Variants in DNAH3 observed in about 807,000 individuals in gnomAD.
DNAH3 encodes the protein axonemal beta dynein heavy chain 3.
A neutral mutation model predicts 432.5 loss-of-function variants in DNAH3; 332 were observed. The ratio of observed to expected loss-of-function variants is 0.77; its 90% CI spans 0.70 to 0.84. The LOEUF is 0.84. Among genes scored for constraint, DNAH3 ranks in the 40% least tolerant of loss-of-function variants. The probability of loss-of-function intolerance (pLI) is 0.00; values close to 1 mark genes in which losing one functional copy is unlikely to be tolerated. For missense variants in DNAH3, 4,861 were observed against 5,114.0 expected (o/e 0.95, Z 1.51); for synonymous variants, 1,956 against 1,900.2 (o/e 1.03, Z -0.76).
At chr16:21,149,059 C>G (rs1179426106) in intron 1 of DNAH3, among the ~76,000 whole-genome samples, 2 of 151,888 alleles carry the variant, frequency 1.3e-5, no homozygotes, top group Non-Finnish European at 2.9e-5. Context: ...GGAGAAATCC[C>G]GTCTCTACTA....
chr16:21,140,344 C>G (rs1043281217), intron 5 of DNAH3, 192 bp downstream of exon 6: 6 of 540,846 alleles, frequency 1.1e-5, no homozygotes, highest in African/African-American at 7.5e-5. Context: ...TGTACACACA[C>G]TCTCTCTCCT....
chr16:20,959,650 CACA>C (rs1567529794), intron 53 of DNAH3, among the ~76,000 whole-genome samples: 11 of 150,240 alleles, frequency 7.3e-5, no homozygotes, highest in African/African-American at 2.7e-4. Context: ...CACACACACA[CACA>C]CACCCCAACA....
intron 7 of DNAH3, among the ~76,000 whole-genome samples, chr16:21,131,483 GAAAA>G (rs1262503107): frequency 1.3e-4 from 1 of 7,950 alleles, no homozygotes; most frequent in Non-Finnish European, 1.8e-3. Context: ...AAGGAAGAAA[GAAAA>G]GAAAGAGAGA....
At chr16:20,945,240 T>C (rs894286661) in intron 57 of DNAH3, among the ~76,000 whole-genome samples, 3 of 152,200 alleles carry the variant, frequency 2.0e-5, no homozygotes, top group African/African-American at 7.2e-5. Flanking sequence ...TTATAATGCA[T>C]TAGCATGCTA....
exon 43 of DNAH3, chr16:21,000,355 A>G (rs1172517690): frequency 1.9e-6 from 3 of 1,614,142 alleles, no homozygotes; most frequent in East Asian, 2.2e-5. Flanking sequence ...GCAGTTGGGT[A>G]GGTACGTATT....
Position 21,085,271 on chromosome 16 carries a change from C to T in DNAH3, c.2877+1578G>A, listed in dbSNP as rs573078644. Reference sequence around the variant, plus strand: ...AATTAAAAAATATCCCAGCCAGGCACGGTGGCTCATGCCTATAATCCCAGA... The same window carrying T: ...AATTAAAAAATATCCCAGCCAGGCATGGTGGCTCATGCCTATAATCCCAGA... On this transcript the variant is annotated intron_variant, in intron 19 of 61. Transcript: ENST00000261383. 1.0e-3 allele frequency among the ~76,000 whole-genome samples: 155 copies of T among 152,120 alleles called. 4 individuals are homozygous for T. The South Asian group carries it at 0.03, about 30-fold the overall frequency.
exon 17 of DNAH3, chr16:21,098,726 G>A (rs746965017): frequency 3.1e-6 from 5 of 1,613,700 alleles, no homozygotes; most frequent in South Asian, 1.1e-5. Flanking sequence ...AAACTTTCCA[G>A]TTCTCTGTGG....
rs769040400 is a variant in DNAH3 at position 21,024,645 on chromosome 16, G to A, written c.5597C>T (p.Ser1866Phe). ...ACTGGAGGGCAGGGTGTCCATGTAG[G>A]AATCCTTCAGGGGCTTCCAGCCTAG... The change falls in exon 39 of 62, where the codon TCC becomes TTC. Residue 1866 changes from serine to phenylalanine, a missense_variant. Coordinates refer to ENST00000261383, the Ensembl canonical transcript of DNAH3. The A allele has an allele frequency of 1.5e-4, 236 of 1,613,432 alleles. 3 individuals are homozygous for A. In the Admixed American group the frequency reaches 3.8e-3, roughly 26 times the overall value.
intron 5 of DNAH3, 55 bp from the exon 7 acceptor site, chr16:21,136,568 ACTGTC>A: frequency 6.5e-7 from 1 of 1,539,258 alleles, no homozygotes; most frequent in Non-Finnish European, 9.0e-7. Flanking sequence ...CATGGGTTCA[ACTGTC>A]CTGCCCATCA....
exon 15 of DNAH3, chr16:21,106,590 G>T: frequency 1.2e-6 from 2 of 1,611,380 alleles, no homozygotes; most frequent in Non-Finnish European, 8.5e-7. Flanking sequence ...ATTTCTTTAG[G>T]AATTCAATGA....
Position 21,156,335 on chromosome 16 carries a change from G to A in DNAH3, c.117+2990C>T, listed in dbSNP as rs112735261. On this transcript the variant is annotated intron_variant, in intron 1 of 61. Transcript: ENST00000261383. The stretch of plus-strand genomic sequence containing the variant: ...CAGCCTCCACTGCCTGGGCTCAAGA[G>A]ATCCTCCTGCCTCAGCCTCCCATGT... Among the ~76,000 whole-genome samples, 658 of 152,108 alleles carry A rather than the reference G, an allele frequency of 4.3e-3. 3 individuals carry two copies. Among genetic ancestry groups the A allele is most frequent in the African/African-American group, 0.013 (551 of 41,490 alleles).
At chr16:21,149,535 C>T (rs2092827520) in intron 1 of DNAH3, among the ~76,000 whole-genome samples, 1 of 152,174 alleles carries the variant, frequency 6.6e-6, no homozygotes, top group East Asian at 1.9e-4. Flanking sequence ...TTCCCAAATG[C>T]TCGTCTGAGG....
intron 51 of DNAH3, among the ~76,000 whole-genome samples, chr16:20,973,770 A>T (rs1340045163): frequency 1.3e-5 from 2 of 152,230 alleles, no homozygotes; most frequent in Admixed American, 6.5e-5. Flanking sequence ...ACATTCTGTC[A>T]TCCAACAAAT....
At chr16:20,973,998 A>G (rs1396866104) in intron 51 of DNAH3, among the ~76,000 whole-genome samples, 2 of 152,074 alleles carry the variant, frequency 1.3e-5, no homozygotes, top group African/African-American at 4.8e-5. Flanking sequence ...GTGGTAAAAC[A>G]TGAGGTCAAA....
At chr16:20,962,062 G>A (rs1326869324) in intron 53 of DNAH3, among the ~76,000 whole-genome samples, 1 of 151,798 alleles carries the variant, frequency 6.6e-6, no homozygotes, top group Admixed American at 6.6e-5. Flanking sequence ...TCAGGAGGCT[G>A]AGGCATGAGA....
chr16:20,974,130 C>T (rs1323269290), intron 51 of DNAH3, among the ~76,000 whole-genome samples: 1 of 151,996 alleles, frequency 6.6e-6, no homozygotes, highest in Non-Finnish European at 1.5e-5. Flanking sequence ...CAGGACCCTC[C>T]CACCTCAGTC....
At chr16:21,078,900 G>C (rs2091073667) in intron 20 of DNAH3, among the ~76,000 whole-genome samples, 2 of 152,176 alleles carry the variant, frequency 1.3e-5, no homozygotes, top group Admixed American at 1.3e-4. Flanking sequence ...TGAGTCCCCA[G>C]ACATGGAATC....
In DNAH3 at chr16:20,955,074, C is replaced by A. The variant is rs1055201298; in HGVS notation, c.10827-17G>T. On this transcript the variant is annotated splice_polypyrimidine_tract_variant and intron_variant, in intron 54 of 61. Transcript: ENST00000261383. ...AGCCAGAGTCTGGAAGAACAATGGA[C>A]CCAACGTTTTAGAGCAATACAATAA... 1.9e-6 allele frequency: 3 copies of A among 1,586,804 alleles called. No individual in the cohort carries two copies. The highest frequency in any genetic ancestry group is 2.7e-5 in the African/African-American group (2 of 73,602).
chr16:20,980,970 C>T (rs930571920), intron 49 of DNAH3, among the ~76,000 whole-genome samples: 4 of 152,140 alleles, frequency 2.6e-5, no homozygotes, highest in South Asian at 2.1e-4. Context: ...AATGGGCATG[C>T]GTGCATTCCA....
Sources: allele counts gnomAD v4.1 joint callset (sites outside exome capture counted in the v4.1 genomes callset), GRCh38; gene constraint gnomAD v4.1.1; transcripts MANE v1.5; gene names NCBI Gene and HGNC (gene_info 2026-07-23, HGNC 2026-07-21).